The following CACNA1D variants were observed in gnomAD, a reference collection of about 807,000 sequenced individuals.
The protein encoded by CACNA1D is voltage-dependent L-type calcium channel subunit alpha-1D.
A neutral mutation model predicts 257.1 loss-of-function variants in CACNA1D; 55 were observed. The ratio of observed to expected loss-of-function variants is 0.21; its 90% confidence interval spans 0.17 to 0.27. The LOEUF (loss-of-function observed/expected upper bound fraction) is 0.27, where lower values mean the gene tolerates loss of function less well. Ranked by LOEUF, CACNA1D falls within the 10% of genes least tolerant of loss-of-function variation. The pLI, the probability that CACNA1D is intolerant of heterozygous loss-of-function variation, is 1.00. For missense variants in CACNA1D, 1,876 were observed against 2,784.0 expected, an observed-to-expected ratio of 0.67 and a Z score of 7.34; for synonymous variants, 980 against 1,014.9, an observed-to-expected ratio of 0.97 and a Z score of 0.65.
At position 53,743,264 on chromosome 3, in the gene CACNA1D, T is replaced by C; in HGVS notation, c.2918+147T>C. The C allele has an allele frequency of 4.6e-6, 3 of 646,344 alleles. No homozygotes were observed. The Admixed American group carries it at 8.9e-5, about 19-fold the overall frequency. The allele number at this position is 646,344 out of a possible 1,614,324, so 40.0% of individuals were successfully genotyped here. The stretch of plus-strand genomic sequence containing the variant: ...TTAATTTGCTCCCATTCCAGAAAGA[T>C]TTAAACAATTCATGTTTTCTTGTGT... On this transcript the variant is annotated intron_variant, in intron 22 of 47. Transcript: ENST00000350061.
intron 4 of CACNA1D, among the ~76,000 whole-genome samples, chr3:53,657,395 T>C (rs1277237272): frequency 6.6e-6 from 1 of 152,028 alleles, no homozygotes; most frequent in African/African-American, 2.4e-5. Flanking sequence ...AGGGAAGCTC[T>C]GTACAAGGCT....
chr3:53,666,180 A>C (rs1026103565), intron 6 of CACNA1D, among the ~76,000 whole-genome samples, 159 bp from the exon 7 acceptor site: 16 of 152,254 alleles, frequency 1.1e-4, no homozygotes, highest in African/African-American at 3.9e-4. Flanking sequence ...CTAAGGAGGG[A>C]GCATTTGAAG....
chr3:53,800,039 C>T lies in CACNA1D; in HGVS notation c.4924-210C>T, dbSNP rs563022906. The T allele has an allele frequency of 5.5e-4, 358 of 654,786 alleles. No homozygotes were observed. Among genetic ancestry groups the T allele is most frequent in the Non-Finnish European group, 8.6e-4 (314 of 363,916 alleles). The allele number at this position is 654,786 out of a possible 1,614,324, so 40.6% of individuals were successfully genotyped here. On this transcript the variant is annotated intron_variant, in intron 40 of 47. Coordinates refer to ENST00000350061, the MANE Select transcript of CACNA1D (RefSeq NM_001128840.3). The surrounding 1 kb of genome is among the most constrained non-coding windows in gnomAD (Gnocchi z 4.3). ...AGGTTACGGGGTTGCAGGCCTCAGG[C>T]ATCCTACCTAGGACCTTCTTGACCC...
At chr3:53,678,599 C>T (rs570480003) in intron 8 of CACNA1D, among the ~76,000 whole-genome samples, 71 of 152,222 alleles carry the variant, frequency 4.7e-4, no homozygotes, top group Non-Finnish European at 5.4e-4. Context: ...TTTTGAATCT[C>T]GCCTCCTACA....
intron 3 of CACNA1D, among the ~76,000 whole-genome samples, chr3:53,504,602 A>T (rs1481707352): frequency 6.6e-6 from 1 of 152,172 alleles, no homozygotes; most frequent in African/African-American, 2.4e-5. Context: ...GGTGCAACTC[A>T]GTTCCCACAG....
intron 3 of CACNA1D, among the ~76,000 whole-genome samples, chr3:53,625,767 G>A (rs1057180198): frequency 4.6e-5 from 7 of 152,290 alleles, no homozygotes; most frequent in Middle Eastern, 3.4e-3. Flanking sequence ...TTTACAGATA[G>A]GACTTAATTT....
intron 9 of CACNA1D, among the ~76,000 whole-genome samples, chr3:53,712,383 C>T (rs375130840): frequency 4.6e-5 from 7 of 152,302 alleles, no homozygotes; most frequent in East Asian, 1.9e-4. Context: ...CCTGAACACG[C>T]GGAGATAGTT....
At chr3:53,568,061 A>G (rs530900217) in intron 3 of CACNA1D, among the ~76,000 whole-genome samples, 3 of 152,338 alleles carry the variant, frequency 2.0e-5, no homozygotes, top group African/African-American at 7.2e-5. Flanking sequence ...AGACGGACAC[A>G]TCAAGGGGCT....
rs71074934 is a variant in CACNA1D, at chr3:53,810,758, C to CAAAAAAAAAAAAAAAAAAAAAAAA, written c.6193-350_6193-327dup. Among the ~76,000 whole-genome samples the CAAAAAAAAAAAAAAAAAAAAAAAA allele has an allele frequency of 3.7e-4, 25 of 68,292 alleles. 1 individual carries two copies. Among genetic ancestry groups the CAAAAAAAAAAAAAAAAAAAAAAAA allele is most frequent in the Non-Finnish European group, 5.1e-4 (21 of 41,546 alleles). 44.8% of individuals were successfully genotyped at this position (68,292 alleles called of 152,430 possible). ...GGGCCACAGAGCGAGACTCTTGTCT[C>CAAAAAAAAAAAAAAAAAAAAAAAA]AAAAAAAAAAAAAAAAAAAAAAAAA... is the stretch of plus-strand genomic sequence containing the variant. On this transcript the variant is annotated intron_variant, in intron 47 of 47. Coordinates refer to ENST00000350061, the MANE Select transcript of CACNA1D (RefSeq NM_001128840.3).
chr3:53,726,801 G>C, intron 14 of CACNA1D, 78 bp from the exon 15 acceptor site: 1 of 1,596,832 alleles, frequency 6.3e-7, no homozygotes, highest in Non-Finnish European at 8.6e-7. Flanking sequence ...CCAGATCTAG[G>C]CAGCCACCGA....
At chr3:53,512,351 G>C (rs1421217858) in intron 3 of CACNA1D, among the ~76,000 whole-genome samples, 1 of 152,118 alleles carries the variant, frequency 6.6e-6, no homozygotes. Context: ...GTACTAGTGT[G>C]GTGGGGTAGA....
chr3:53,727,060 C>T (rs2094942347), intron 15 of CACNA1D, 61 bp downstream of exon 15: 1 of 1,589,482 alleles, frequency 6.3e-7, no homozygotes, highest in Non-Finnish European at 8.6e-7. Flanking sequence ...GTTTTTCTTC[C>T]TCTGCATTTC....
intron 29 of CACNA1D, 143 bp from the exon 30 acceptor site, chr3:53,761,855 C>T (rs1368067417): frequency 2.8e-6 from 2 of 709,180 alleles, no homozygotes; most frequent in Admixed American, 2.0e-5. Flanking sequence ...CACCAGTGGA[C>T]AGTATTGTTA....
chr3:53,762,121 C>T (rs550465783), intron 30 of CACNA1D, 40 bp downstream of exon 30: 11 of 1,265,780 alleles, frequency 8.7e-6, no homozygotes, highest in African/African-American at 5.9e-5. Flanking sequence ...TGTGTCCTCT[C>T]TCCTCTGTCT....
intron 3 of CACNA1D, among the ~76,000 whole-genome samples, chr3:53,604,292 A>C (rs1166336628): frequency 6.6e-6 from 1 of 152,232 alleles, no homozygotes; most frequent in African/African-American, 2.4e-5. Context: ...GAAGCTGCAG[A>C]TGGAGGAAAC....
chr3:53,586,188 G>T (rs2093212730), intron 3 of CACNA1D, among the ~76,000 whole-genome samples: 1 of 152,000 alleles, frequency 6.6e-6, no homozygotes, highest in South Asian at 2.1e-4. Flanking sequence ...AGGGGCTGGG[G>T]GACAAACCCA....
chr3:53,688,580 G>A (rs1203032359), intron 8 of CACNA1D, among the ~76,000 whole-genome samples: 2 of 152,108 alleles, frequency 1.3e-5, no homozygotes, highest in African/African-American at 2.4e-5. Context: ...CCTCCTCCTC[G>A]GAGGTCATTT....
At chr3:53,730,965 T>A in intron 16 of CACNA1D, 112 bp from the exon 17 acceptor site, 1 of 729,760 alleles carries the variant, frequency 1.4e-6, no homozygotes, top group Non-Finnish European at 2.4e-6. Flanking sequence ...GTGTTGTTTC[T>A]AATTAAATTC....
intron 3 of CACNA1D, among the ~76,000 whole-genome samples, chr3:53,556,428 A>T (rs2092646427): frequency 6.6e-6 from 1 of 152,154 alleles, no homozygotes; most frequent in African/African-American, 2.4e-5. Context: ...AGTACTTTTT[A>T]TTTTAGCTTC....
Sources: gnomAD v4.1 joint callset for allele counts (sites outside exome capture counted in the v4.1 genomes callset) on GRCh38, gnomAD v4.1.1 for gene constraint, Gnocchi (gnomAD v3.1) non-coding constraint, MANE v1.5 for transcripts, NCBI Gene and HGNC (gene_info 2026-07-23, HGNC 2026-07-21) for gene names.